TIAM1: variants seen among roughly 807,000 people sequenced by gnomAD.
TIAM1 encodes TIAM Rac1 associated GEF 1.
In TIAM1, 65 loss-of-function variants were observed where a neutral mutation model predicts 163.5. The ratio of observed to expected loss-of-function variants is 0.40; its 90% CI spans 0.33 to 0.49. TIAM1 has a LOEUF of 0.49. Among genes scored for constraint, TIAM1 ranks in the 20% least tolerant of loss-of-function variants. TIAM1 has a pLI of 0.77. For missense variants in TIAM1, 1,789 were observed against 2,044.7 expected, an observed-to-expected ratio of 0.87 and a Z score of 2.41; for synonymous variants, 833 against 810.1, an observed-to-expected ratio of 1.03 and a Z score of -0.48.
At chr21:31,373,069 G>A (rs111261754) in intron 2 of TIAM1, among the ~76,000 whole-genome samples, 29,572 of 134,508 alleles carry the variant, frequency 0.22, 3,732 homozygotes, top group East Asian at 0.32. Context: ...AAAAAAAAAA[G>A]AAAAGAAAAG....
intron 1 of TIAM1, among the ~76,000 whole-genome samples, chr21:31,492,464 T>C (rs2046501096): frequency 6.6e-6 from 1 of 152,142 alleles, no homozygotes; most frequent in Non-Finnish European, 1.5e-5. Context: ...CTGAATTGTG[T>C]AAATTTACAC....
chr21:31,124,837 C>A (rs867734139), intron 26 of TIAM1, 143 bp from the exon 27 acceptor site: 4 of 636,162 alleles, frequency 6.3e-6, no homozygotes, highest in African/African-American at 5.5e-5. Context: ...CTATGCTGAG[C>A]GGTGATTTCA....
chr21:31,452,506 G>A (rs1602314512), intron 2 of TIAM1: 1 of 565,960 alleles, frequency 1.8e-6, no homozygotes, highest in East Asian at 3.6e-5. Context: ...ATTGTTTTAA[G>A]AAAGCCAGAT....
chr21:31,363,838 G>A (rs2076450984), intron 2 of TIAM1, among the ~76,000 whole-genome samples: 1 of 152,064 alleles, frequency 6.6e-6, no homozygotes, highest in South Asian at 2.1e-4. Flanking sequence ...TGGTTGGGGG[G>A]CAACCCAAGG....
intron 2 of TIAM1, among the ~76,000 whole-genome samples, chr21:31,386,969 C>T (rs945813313): frequency 6.6e-6 from 1 of 152,046 alleles, no homozygotes; most frequent in Non-Finnish European, 1.5e-5. Context: ...CCGGCATGGC[C>T]CCGCTGGGCT....
intron 2 of TIAM1, among the ~76,000 whole-genome samples, chr21:31,301,984 T>A (rs901847612): frequency 6.6e-6 from 1 of 151,152 alleles, no homozygotes; most frequent in Non-Finnish European, 1.5e-5. Flanking sequence ...TATATATATA[T>A]GTGCATATAT....
chr21:31,126,311 G>A (rs2146214458), intron 26 of TIAM1, among the ~76,000 whole-genome samples: 1 of 152,132 alleles, frequency 6.6e-6, no homozygotes, highest in East Asian at 1.9e-4. Flanking sequence ...GCTCACGCCT[G>A]TAATCCAAGC....
chr21:31,149,603 C>A (rs1027276684), intron 19 of TIAM1, among the ~76,000 whole-genome samples: 1 of 152,128 alleles, frequency 6.6e-6, no homozygotes. Flanking sequence ...AAAGAACCAG[C>A]CCCACAGCAA....
At position 31,374,100 on chromosome 21, in the gene TIAM1, T is replaced by A. The variant is rs535821852; in HGVS notation, c.-368-34678A>T. ...TGCCCTTGTTGGGGAAGCCTCTCATTTAAATTCTGTACCAATTACAGAAAA... is the reference window on the plus strand; with the variant it reads ...TGCCCTTGTTGGGGAAGCCTCTCATATAAATTCTGTACCAATTACAGAAAA... On this transcript the variant is annotated intron_variant, in intron 2 of 28. Coordinates refer to the TIAM1 transcript ENST00000286827. 3.2e-3 allele frequency among the ~76,000 whole-genome samples: 486 copies of A among 152,096 alleles called. 4 individuals carry two copies. Among genetic ancestry groups the A allele is most frequent in the African/African-American group, 0.011 (459 of 41,440 alleles).
upstream of TIAM1, among the ~76,000 whole-genome samples, chr21:31,346,537 C>T (rs931999868): frequency 2.6e-5 from 4 of 152,086 alleles, no homozygotes; most frequent in African/African-American, 7.2e-5. Flanking sequence ...TAAAGCCAGG[C>T]GGGACTGTCT....
At chr21:31,156,928 C>T (rs1224980692) in intron 16 of TIAM1, among the ~76,000 whole-genome samples, 1 of 152,222 alleles carries the variant, frequency 6.6e-6, no homozygotes, top group East Asian at 1.9e-4. Flanking sequence ...GTAACCACAG[C>T]TGTCTGTTTT....
chr21:31,171,894 C>T (rs1490594568), intron 15 of TIAM1, among the ~76,000 whole-genome samples: 1 of 152,136 alleles, frequency 6.6e-6, no homozygotes, highest in African/African-American at 2.4e-5. Context: ...GTTTAGTCAC[C>T]ATACGTGGGA....
At chr21:31,287,058 T>C (rs748751345) in intron 2 of TIAM1, among the ~76,000 whole-genome samples, 10 of 152,254 alleles carry the variant, frequency 6.6e-5, no homozygotes, top group Non-Finnish European at 1.5e-4. Flanking sequence ...ATTTCATTGA[T>C]TTTAAGAAAC....
intron 14 of TIAM1, 102 bp downstream of exon 14, chr21:31,186,899 T>G (rs1185077631): frequency 3.1e-6 from 3 of 980,858 alleles, no homozygotes; most frequent in African/African-American, 3.3e-5. Flanking sequence ...TTCAAATACT[T>G]TCCACAAATG....
intron 13 of TIAM1, among the ~76,000 whole-genome samples, chr21:31,194,661 C>A (rs1264896731): frequency 1.3e-5 from 2 of 152,118 alleles, no homozygotes; most frequent in African/African-American, 4.8e-5. Flanking sequence ...AAGTAGATCC[C>A]CAAACAGACC....
At chr21:31,277,793 C>T (rs747556485) in intron 2 of TIAM1, among the ~76,000 whole-genome samples, 1 of 152,086 alleles carries the variant, frequency 6.6e-6, no homozygotes, top group Non-Finnish European at 1.5e-5. Flanking sequence ...CTTTCTTGTG[C>T]GAGATCCAAG....
At chr21:31,452,196 G>A (rs558462575) in intron 2 of TIAM1, among the ~76,000 whole-genome samples, 1 of 152,266 alleles carries the variant, frequency 6.6e-6, no homozygotes, top group East Asian at 1.9e-4. Context: ...ATCTAAGCAG[G>A]CTGGGCCTTG....
chr21:31,281,854 T>C (rs2073582433), intron 2 of TIAM1, among the ~76,000 whole-genome samples: 2 of 151,896 alleles, frequency 1.3e-5, no homozygotes, highest in Admixed American at 6.6e-5. Context: ...GGATAATTGA[T>C]GGGTGGTAGG....
At chr21:31,369,231 A>AAAAAAAAAAAAAGAAAGAAAG (rs1314209679) in intron 2 of TIAM1, among the ~76,000 whole-genome samples, 1 of 150,160 alleles carries the variant, frequency 6.7e-6, no homozygotes, top group African/African-American at 2.5e-5. Context: ...ATCTCAAAAA[A>AAAAAAAAAAAAAGAAAGAAAG]AAAGAAAGAA....
Sources: allele counts gnomAD v4.1 joint callset (sites outside exome capture counted in the v4.1 genomes callset), GRCh38; gene constraint gnomAD v4.1.1; transcripts MANE v1.5; gene names NCBI Gene and HGNC (gene_info 2026-07-23, HGNC 2026-07-21).